PKD2L1: variants seen among roughly 807,000 people sequenced by gnomAD.
PKD2L1 encodes the protein polycystin-2-like protein 1.
Under a neutral mutation model 93.0 loss-of-function variants are expected in PKD2L1, and 77 were observed. That is an observed-to-expected ratio of 0.83 (90% confidence interval 0.69 to 1.00). PKD2L1 has a LOEUF of 1.00. Among genes scored for constraint, PKD2L1 ranks in the 50% least tolerant of loss-of-function variants. The pLI is 0.00. For synonymous variants in PKD2L1, 390 were observed against 388.0 expected, an observed-to-expected ratio of 1.01 and a Z score of -0.06; for missense variants, 977 against 990.9, an observed-to-expected ratio of 0.99 and a Z score of 0.19.
In PKD2L1 at chr10:100,294,535, C is replaced by T. The variant is rs1848476259; in HGVS notation, c.1659G>A (p.Leu553=). 6.2e-7 allele frequency: 1 copy of T among 1,613,976 alleles called. No individual in the cohort carries two copies. Among genetic ancestry groups the T allele is most frequent in the African/African-American group, 1.3e-5 (1 of 74,986 alleles). ...CCCCACCCCTCAGAGAGACCCTCAC[C>T]AGGAGCACGAAGAAGACGAAGAAGA... ...TYVFFVFFVL[L]NMFLAIINDT... The change falls in exon 9 of 16, where the codon CTG becomes CTA. Residue 553 remains leucine (L), a splice_region_variant and synonymous_variant. Coordinates refer to ENST00000318222, the MANE Select transcript of PKD2L1 (RefSeq NM_016112.3).
intron 12 of PKD2L1, 47 bp from the exon 13 acceptor site, chr10:100,290,566 G>A (rs762771268): frequency 1.2e-5 from 15 of 1,229,270 alleles, no homozygotes; most frequent in Non-Finnish European, 1.2e-6. Context: ...ACTCTGGGAA[G>A]CCATCAGCTC....
intron 2 of PKD2L1, among the ~76,000 whole-genome samples, chr10:100,305,628 A>G (rs1408215622): frequency 6.6e-6 from 1 of 152,208 alleles, no homozygotes; most frequent in African/African-American, 2.4e-5. Flanking sequence ...AGCACAGTTT[A>G]CCAGGAACCC....
intron 11 of PKD2L1, 57 bp downstream of exon 11, chr10:100,292,891 G>A: frequency 1.3e-6 from 2 of 1,555,818 alleles, no homozygotes; most frequent in Non-Finnish European, 1.7e-6. Flanking sequence ...AAGTATGGTT[G>A]AGGGTTGAGG....
intron 2 of PKD2L1, among the ~76,000 whole-genome samples, chr10:100,301,871 C>G (rs568687856): frequency 6.6e-6 from 1 of 152,194 alleles, no homozygotes; most frequent in East Asian, 1.9e-4. Flanking sequence ...TCTTCTGTCA[C>G]GGCTTCAGCA....
chr10:100,308,514 T>A (rs1183631686), intron 2 of PKD2L1, among the ~76,000 whole-genome samples: 6 of 152,176 alleles, frequency 3.9e-5, no homozygotes, highest in Admixed American at 2.0e-4. Context: ...TTTGTATTTT[T>A]AATAGAGATG....
rs759364743 is a variant in PKD2L1, at chr10:100,330,018, G to A, written c.86C>T (p.Pro29Leu). ...GACTCTCAGCGTCCCGTGTGGGGAA[G>A]GGGGACCACTGTAGGCGGGGTTGTC... ...AWDNPAYSGPPSPHGTLRVCT... is the reference protein window; with the variant it reads ...AWDNPAYSGPLSPHGTLRVCT... Residue 29 changes from proline to leucine, a missense_variant, in exon 1 of 16, where the codon CCT (proline) becomes CTT (leucine). Pro to Leu is a moderately conservative substitution (Grantham distance 98). Coordinates refer to ENST00000318222, the MANE Select transcript of PKD2L1 (RefSeq NM_016112.3). 7 of 1,613,668 alleles carry A rather than the reference G, an allele frequency of 4.3e-6. No homozygotes were observed. The Admixed American group carries it at 8.3e-5, about 19-fold the overall frequency.
In PKD2L1 at chr10:100,297,198, C is replaced by T. The variant is rs1345242903; in HGVS notation, c.967G>A (p.Glu323Lys). ...NLFCVLRLVVEFPATGGAIPS... is the reference protein window; with the variant it reads ...NLFCVLRLVVKFPATGGAIPS... Reference sequence around the variant, plus strand: ...ATGGCACCTCCTGTAGCTGGAAACTCCACCACCAGCCTATAGGGGGAGGGG... The same window carrying T: ...ATGGCACCTCCTGTAGCTGGAAACTTCACCACCAGCCTATAGGGGGAGGGG... The change falls in exon 6 of 16, where the codon GAG becomes AAG. Residue 323 changes from glutamate to lysine, a missense_variant. Coordinates refer to ENST00000318222, the MANE Select transcript of PKD2L1 (RefSeq NM_016112.3). 2 of 1,613,596 alleles carry T rather than the reference C, an allele frequency of 1.2e-6. No homozygotes were observed. Among genetic ancestry groups the T allele is most frequent in the African/African-American group, 1.3e-5 (1 of 74,910 alleles).
intron 2 of PKD2L1, among the ~76,000 whole-genome samples, chr10:100,313,930 C>T (rs1426842572): frequency 6.6e-6 from 1 of 152,114 alleles, no homozygotes; most frequent in African/African-American, 2.4e-5. Flanking sequence ...CAAATGGTTC[C>T]ATATAAAGGG....
chr10:100,319,389 C>T (rs929293792), intron 2 of PKD2L1, among the ~76,000 whole-genome samples: 1 of 152,200 alleles, frequency 6.6e-6, no homozygotes, highest in African/African-American at 2.4e-5. Flanking sequence ...GATCAGACCA[C>T]CTTATTCCAG....
At chr10:100,318,733 A>T (rs1365258232) in intron 2 of PKD2L1, among the ~76,000 whole-genome samples, 4 of 150,826 alleles carry the variant, frequency 2.7e-5, no homozygotes, top group Admixed American at 6.6e-5. Flanking sequence ...GTTAGCCAGG[A>T]TGGTCTCGAT....
Position 100,308,970 on chromosome 10 carries a change from T to C in PKD2L1, c.350-9252A>G, listed in dbSNP as rs192754103. Among the ~76,000 whole-genome samples, 4 of 152,278 alleles carry C rather than the reference T, an allele frequency of 2.6e-5. No individual in the cohort carries two copies. The East Asian group carries it at 7.7e-4, about 29-fold the overall frequency. ...GATCACCGTCTTGAAAGAAGCTCCA[T>C]TCTGGTGTAAAATGAATAACAGTAT... On this transcript the variant is annotated intron_variant, in intron 2 of 15. Transcript: ENST00000318222.
rs771405166 is a variant in PKD2L1 at position 100,297,000 on chromosome 10, G to T, written c.1165C>A (p.Leu389Met). The T allele has an allele frequency of 1.9e-6, 3 of 1,612,492 alleles. No homozygotes were observed. Among genetic ancestry groups the T allele is most frequent in the Non-Finnish European group, 2.5e-6 (3 of 1,178,504 alleles). The change falls in exon 6 of 16, where the codon CTG (leucine) becomes ATG (methionine). Residue 389 changes from leucine (L) to methionine (M), a missense_variant. Coordinates refer to ENST00000318222, the MANE Select transcript of PKD2L1 (RefSeq NM_016112.3). Reference protein sequence around the residue: ...LRYLSSIWNILDLVVILLSIV... With the variant: ...LRYLSSIWNIMDLVVILLSIV... ...CTCACCAAGATGACCACCAGGTCCAGTATGTTCCAGATGCTGCTGAGGTAG... is the reference window on the plus strand; with the variant it reads ...CTCACCAAGATGACCACCAGGTCCATTATGTTCCAGATGCTGCTGAGGTAG...
chr10:100,293,014 A>G lies in PKD2L1; in HGVS notation c.1814T>C (p.Val605Ala). ...CTCCCCACCCTGCAGGACCTTCTGC[A>G]CATCCGAAACCCTCTCCTTCCTCAG... ...LRLRKERVSD[V>A]QKVLQGGEQE... The change falls in exon 11 of 16, where the codon GTG becomes GCG. Residue 605 changes from valine to alanine, a missense_variant. By Grantham distance (64) the Val-to-Ala change is moderately conservative. Coordinates refer to ENST00000318222, the MANE Select transcript of PKD2L1 (RefSeq NM_016112.3). 1.2e-6 allele frequency: 2 copies of G among 1,614,178 alleles called. No homozygotes were observed. Among genetic ancestry groups the G allele is most frequent in the Non-Finnish European group, 1.7e-6 (2 of 1,180,010 alleles).
At chr10:100,302,628 C>T (rs1418458091) in intron 2 of PKD2L1, among the ~76,000 whole-genome samples, 2 of 151,122 alleles carry the variant, frequency 1.3e-5, no homozygotes, top group Non-Finnish European at 2.9e-5. Context: ...CACTTAAGCC[C>T]AGGAGGCAGA....
intron 2 of PKD2L1, among the ~76,000 whole-genome samples, chr10:100,302,172 C>T (rs1022049941): frequency 2.6e-5 from 4 of 151,892 alleles, no homozygotes; most frequent in Admixed American, 6.6e-5. Context: ...ATTCCTTCTC[C>T]ATTTATTAGT....
chr10:100,289,020 G>T lies in PKD2L1; in HGVS notation c.2287C>A (p.Pro763Thr). The T allele has an allele frequency of 6.2e-7, 1 of 1,613,216 alleles. No homozygotes were observed. The change falls in exon 15 of 16, where the codon CCA (proline) becomes ACA (threonine). Residue 763 changes from proline to threonine, a missense_variant. Physicochemically the swap from Pro to Thr is conservative, Grantham distance 38. Coordinates refer to ENST00000318222, the MANE Select transcript of PKD2L1 (RefSeq NM_016112.3). The part of the protein sequence containing the change: ...QAIWKHPQPA[P>T]AVTPDPWGVQ... ...CCCCAGGGGTCTGGGGTCACAGCTG[G>T]GGCTGGCTGCGGGTGCTTCCAAATA...
At position 100,298,611 on chromosome 10, in the gene PKD2L1, A is replaced by G; in HGVS notation, c.682T>C (p.Ser228Pro). 1 of 1,614,054 alleles carries G rather than the reference A, an allele frequency of 6.2e-7. No individual in the cohort carries two copies. Among genetic ancestry groups the G allele is most frequent in the Non-Finnish European group, 8.5e-7 (1 of 1,179,938 alleles). Residue 228 changes from serine (S) to proline (P), a missense_variant, in exon 4 of 16, where the codon TCT becomes CCT. Coordinates refer to ENST00000318222, the MANE Select transcript of PKD2L1 (RefSeq NM_016112.3). Reference sequence around the variant, plus strand: ...GGGAGTTGTTCTTCTTTGTCTGGAGAGTAGACATCATAGCAGCTCAGAATG... The same window carrying G: ...GGGAGTTGTTCTTCTTTGTCTGGAGGGTAGACATCATAGCAGCTCAGAATG... ...EDILSCYDVY[S>P]PDKEEQLPFG...
chr10:100,321,433 C>T (rs1292588500), intron 2 of PKD2L1, among the ~76,000 whole-genome samples: 1 of 151,096 alleles, frequency 6.6e-6, no homozygotes, highest in Non-Finnish European at 1.5e-5. Flanking sequence ...GCACACCAGC[C>T]TGGGTGACAG....
chr10:100,324,959 C>A (rs2099960826), intron 2 of PKD2L1, among the ~76,000 whole-genome samples: 1 of 152,186 alleles, frequency 6.6e-6, no homozygotes, highest in Non-Finnish European at 1.5e-5. Flanking sequence ...CAACAGCCAC[C>A]CCGCTTGGTG....
Sources: allele counts gnomAD v4.1 joint callset (sites outside exome capture counted in the v4.1 genomes callset), GRCh38; gene constraint gnomAD v4.1.1; transcripts MANE v1.5; gene names NCBI Gene and HGNC (gene_info 2026-07-23, HGNC 2026-07-21).